Variants in DPYD observed in about 807,000 individuals in gnomAD.
The protein encoded by DPYD is dihydropyrimidine dehydrogenase.
A neutral mutation model predicts 116.2 loss-of-function variants in DPYD; 109 were observed. That is an observed-to-expected ratio of 0.94 (90% CI 0.80 to 1.10). The LOEUF (loss-of-function observed/expected upper bound fraction) is 1.10. Among genes scored for constraint, DPYD ranks in the 50% least tolerant of loss-of-function variants. DPYD has a pLI of 0.00. For missense variants in DPYD, 1,302 were observed against 1,254.5 expected, an observed-to-expected ratio of 1.04 and a Z score of -0.57; for synonymous variants, 440 against 432.0, an observed-to-expected ratio of 1.02 and a Z score of -0.23.
chr1:97,187,783 G>A (rs1433671011), intron 20 of DPYD, among the ~76,000 whole-genome samples: 1 of 152,018 alleles, frequency 6.6e-6, no homozygotes, highest in Admixed American at 6.6e-5. Flanking sequence ...CAATTTTTAT[G>A]CATATGGCAA....
chr1:97,720,101 T>A (rs752254452), intron 5 of DPYD: 14 of 984,948 alleles, frequency 1.4e-5, no homozygotes, highest in African/African-American at 1.7e-5. Flanking sequence ...ATTAAAACCA[T>A]GTGAGAGTTT....
intron 20 of DPYD, among the ~76,000 whole-genome samples, chr1:97,101,119 T>C (rs1175258286): frequency 1.3e-5 from 2 of 151,344 alleles, no homozygotes; most frequent in Admixed American, 1.3e-4. Flanking sequence ...ATACCAAATA[T>C]CAGTGACTGC....
At chr1:97,375,378 C>A (rs1299224751) in intron 15 of DPYD, among the ~76,000 whole-genome samples, 1 of 152,156 alleles carries the variant, frequency 6.6e-6, no homozygotes, top group Non-Finnish European at 1.5e-5. Context: ...AGAACTCCAG[C>A]TAGTCATTAA....
chr1:97,642,172 G>A (rs1266394988), intron 8 of DPYD, among the ~76,000 whole-genome samples: 1 of 152,030 alleles, frequency 6.6e-6, no homozygotes, highest in Admixed American at 6.6e-5. Context: ...TGGCCATAGA[G>A]CCCAAAGTTT....
chr1:97,606,346 TA>T (rs1313900409), intron 8 of DPYD, among the ~76,000 whole-genome samples: 2 of 151,872 alleles, frequency 1.3e-5, no homozygotes, highest in African/African-American at 4.8e-5. Context: ...GGACATGTAA[TA>T]AAAAAATTTA....
intron 3 of DPYD, among the ~76,000 whole-genome samples, chr1:97,774,311 T>C (rs1001351169): frequency 6.6e-6 from 1 of 152,186 alleles, no homozygotes; most frequent in African/African-American, 2.4e-5. Flanking sequence ...AAGGATCTGT[T>C]TGCCCTCATG....
chr1:97,503,640 A>G (rs1460320923), intron 13 of DPYD, among the ~76,000 whole-genome samples: 3 of 151,918 alleles, frequency 2.0e-5, no homozygotes, highest in Non-Finnish European at 4.4e-5. Flanking sequence ...TGGCTCTCCC[A>G]GTCCTCCTCA....
intron 13 of DPYD, 106 bp downstream of exon 13, chr1:97,515,620 G>T: frequency 1.0e-6 from 1 of 991,340 alleles, no homozygotes; most frequent in Non-Finnish European, 1.5e-6. Context: ...TTGTCAAATA[G>T]TTTAATAAGT....
intron 21 of DPYD, among the ~76,000 whole-genome samples, chr1:97,085,190 A>T (rs1478269956): frequency 1.3e-5 from 2 of 152,232 alleles, no homozygotes; most frequent in Non-Finnish European, 2.9e-5. Context: ...ATCAACCCAA[A>T]GAGTTGTTTC....
chr1:97,511,438 T>C (rs1357239693), intron 13 of DPYD, among the ~76,000 whole-genome samples: 3 of 151,994 alleles, frequency 2.0e-5, no homozygotes, highest in African/African-American at 4.8e-5. Context: ...CCAAAGTACC[T>C]TTCCCCACAC....
chr1:97,270,403 C>T (rs999791118), intron 18 of DPYD, among the ~76,000 whole-genome samples: 1 of 152,128 alleles, frequency 6.6e-6, no homozygotes, highest in Non-Finnish European at 1.5e-5. Context: ...TCAAGCTATT[C>T]CTTTGTGTTA....
At chr1:97,289,797 T>C (rs1666004050) in intron 18 of DPYD, among the ~76,000 whole-genome samples, 1 of 151,430 alleles carries the variant, frequency 6.6e-6, no homozygotes, top group South Asian at 2.1e-4. Flanking sequence ...ATGCCCTCTC[T>C]CGCCACTCCT....
At chr1:97,656,079 G>A (rs575134019) in intron 8 of DPYD, among the ~76,000 whole-genome samples, 1 of 152,096 alleles carries the variant, frequency 6.6e-6, no homozygotes, top group Admixed American at 6.5e-5. Context: ...ATTTTTATTT[G>A]TAAATCTAAA....
chr1:97,657,124 C>T (rs1658967137), intron 8 of DPYD, among the ~76,000 whole-genome samples: 2 of 151,952 alleles, frequency 1.3e-5, no homozygotes, highest in Admixed American at 6.6e-5. Context: ...CAAGCCACTG[C>T]ACCCAGCTAA....
At chr1:97,797,531 G>C (rs1334474510) in intron 3 of DPYD, 1 of 152,012 alleles carries the variant, frequency 6.6e-6, no homozygotes, top group Non-Finnish European at 1.5e-5. Context: ...ATCATAAGAA[G>C]TCCTGAATTA....
intron 14 of DPYD, among the ~76,000 whole-genome samples, chr1:97,383,646 AG>A (rs1256481442): frequency 6.6e-6 from 1 of 152,132 alleles, no homozygotes; most frequent in African/African-American, 2.4e-5. Context: ...GAAGACGCCA[AG>A]GCAATGACAC....
chr1:97,782,174 A>G (rs988173403), intron 3 of DPYD, among the ~76,000 whole-genome samples: 1 of 152,206 alleles, frequency 6.6e-6, no homozygotes, highest in Non-Finnish European at 1.5e-5. Flanking sequence ...TCTCACACTA[A>G]TAGATACATG....
chr1:97,535,159 T>C (rs1649901187), intron 12 of DPYD, among the ~76,000 whole-genome samples: 1 of 152,110 alleles, frequency 6.6e-6, no homozygotes, highest in Non-Finnish European at 1.5e-5. Flanking sequence ...GATGCCATTA[T>C]ACCATCCTGG....
At chr1:97,503,130 T>C (rs991866408) in intron 13 of DPYD, among the ~76,000 whole-genome samples, 12 of 152,006 alleles carry the variant, frequency 7.9e-5, no homozygotes, top group African/African-American at 2.9e-4. Flanking sequence ...CTTGTTTTTC[T>C]CTTTTCATAT....
Sources: allele counts gnomAD v4.1 joint callset (sites outside exome capture counted in the v4.1 genomes callset), GRCh38; gene constraint gnomAD v4.1.1; transcripts MANE v1.5; gene names NCBI Gene and HGNC (gene_info 2026-07-23, HGNC 2026-07-21).